TANK: variants seen among roughly 807,000 people sequenced by gnomAD.
The protein encoded by TANK is TRAF family member associated NFKB activator.
In TANK, 15 loss-of-function variants were observed where a neutral mutation model predicts 43.6. The observed-to-expected ratio is 0.34, with a 90% CI of 0.23 to 0.53. TANK has a LOEUF of 0.53. TANK is among the 20% of genes least tolerant of loss of function. The pLI, the probability that TANK is intolerant of heterozygous loss-of-function variation, is 0.94. For missense variants in TANK, 417 were observed against 498.6 expected, an observed-to-expected ratio of 0.84 and a Z score of 1.56; for synonymous variants, 162 against 178.2, an observed-to-expected ratio of 0.91 and a Z score of 0.73.
chr2:161,205,026 A>G, intron 4 of TANK: 3 of 1,206,764 alleles, frequency 2.5e-6, no homozygotes, highest in Non-Finnish European at 3.2e-6. Flanking sequence ...CAAAGAAAAC[A>G]TTTAACAAAG....
At chr2:161,178,275 A>C (rs1009382161) in intron 1 of TANK, among the ~76,000 whole-genome samples, 1 of 152,172 alleles carries the variant, frequency 6.6e-6, no homozygotes, top group Admixed American at 6.6e-5. Flanking sequence ...CCATTAACTG[A>C]GGAATAAACA....
intron 6 of TANK, among the ~76,000 whole-genome samples, chr2:161,229,407 T>C (rs1574072680): frequency 6.6e-6 from 1 of 152,126 alleles, no homozygotes; most frequent in East Asian, 1.9e-4. Flanking sequence ...TTAGAAAAAC[T>C]ACTCTGAGAA....
At chr2:161,217,168 CTTGA>C (rs1290401128) in intron 4 of TANK, among the ~76,000 whole-genome samples, 1 of 152,108 alleles carries the variant, frequency 6.6e-6, no homozygotes, top group African/African-American at 2.4e-5. Context: ...AGGCAGTGAA[CTTGA>C]TTAGCTCAGG....
intron 4 of TANK, among the ~76,000 whole-genome samples, chr2:161,217,525 A>C (rs1047922383): frequency 6.7e-6 from 1 of 149,922 alleles, no homozygotes; most frequent in East Asian, 2.0e-4. Flanking sequence ...CTTACTACAC[A>C]TTTTTTACTC....
intron 6 of TANK, among the ~76,000 whole-genome samples, chr2:161,226,423 A>G (rs1156234942): frequency 6.6e-6 from 1 of 152,290 alleles, no homozygotes; most frequent in East Asian, 1.9e-4. Flanking sequence ...AATAAATATT[A>G]TACTCTGACA....
intron 7 of TANK, among the ~76,000 whole-genome samples, chr2:161,233,390 C>T (rs765819428): frequency 7.2e-5 from 11 of 151,908 alleles, no homozygotes; most frequent in Admixed American, 3.9e-4. Flanking sequence ...GAGCAAGACC[C>T]TGTCTCAAAA....
At chr2:161,148,941 T>C (rs750858249) in intron 1 of TANK, among the ~76,000 whole-genome samples, 43 of 152,328 alleles carry the variant, frequency 2.8e-4, no homozygotes, top group Middle Eastern at 3.4e-3. Flanking sequence ...CTTCCAACTT[T>C]GTTTTTCCTT....
At chr2:161,161,418 A>G (rs568958390) in intron 1 of TANK, 1 of 1,550,846 alleles carries the variant, frequency 6.4e-7, no homozygotes, top group African/African-American at 1.4e-5. Context: ...GAGAGGTAGC[A>G]GAGAAGCAAG....
At chr2:161,146,570 C>A (rs1482828619) in intron 1 of TANK, among the ~76,000 whole-genome samples, 1 of 152,184 alleles carries the variant, frequency 6.6e-6, no homozygotes, top group African/African-American at 2.4e-5. Context: ...AAGGTCAGGT[C>A]TCTCTTCTGT....
intron 4 of TANK, among the ~76,000 whole-genome samples, chr2:161,217,212 C>T (rs1417951589): frequency 6.6e-6 from 1 of 152,182 alleles, no homozygotes; most frequent in East Asian, 1.9e-4. Context: ...AGAGGGGCAG[C>T]TCCAATCTCC....
intron 2 of TANK, among the ~76,000 whole-genome samples, chr2:161,193,379 C>T (rs1471125435): frequency 6.6e-6 from 1 of 152,072 alleles, no homozygotes; most frequent in African/African-American, 2.4e-5. Flanking sequence ...ATATAGGATA[C>T]GCTATTACAG....
chr2:161,213,186 A>T (rs761437423), intron 4 of TANK, among the ~76,000 whole-genome samples: 1 of 152,162 alleles, frequency 6.6e-6, no homozygotes, highest in Admixed American at 6.5e-5. Context: ...CCCTCCCATT[A>T]GGCCCCACCT....
At chr2:161,212,204 G>C (rs1263759548) in intron 4 of TANK, 1 of 299,366 alleles carries the variant, frequency 3.3e-6, no homozygotes, top group African/African-American at 2.3e-5. Flanking sequence ...GGGATTACAT[G>C]CACACACCAC....
chr2:161,197,888 T>C (rs1686226639), intron 2 of TANK, among the ~76,000 whole-genome samples: 2 of 152,122 alleles, frequency 1.3e-5, no homozygotes, highest in African/African-American at 4.8e-5. Context: ...TCATAGCATT[T>C]CACCCCTGGC....
intron 2 of TANK, among the ~76,000 whole-genome samples, chr2:161,201,595 C>T (rs2105340888): frequency 6.6e-6 from 1 of 152,234 alleles, no homozygotes; most frequent in African/African-American, 2.4e-5. Context: ...TTGTGAAGAA[C>T]TTTGAGTTCT....
intron 1 of TANK, among the ~76,000 whole-genome samples, chr2:161,164,354 T>C (rs1273749425): frequency 6.6e-6 from 1 of 152,214 alleles, no homozygotes; most frequent in Non-Finnish European, 1.5e-5. Context: ...TTTTAGTTTC[T>C]ATTTCCTGTA....
At chr2:161,170,441 G>A (rs148071516) in intron 1 of TANK, among the ~76,000 whole-genome samples, 2 of 152,134 alleles carry the variant, frequency 1.3e-5, no homozygotes, top group East Asian at 1.9e-4. Flanking sequence ...TTTTTGTTCC[G>A]AAATTCTATA....
At chr2:161,197,338 A>G (rs937282798) in intron 2 of TANK, 2 of 152,152 alleles carry the variant, frequency 1.3e-5, no homozygotes, top group Admixed American at 1.3e-4. Flanking sequence ...GCTTGACAGA[A>G]TGTTTTTGAT....
intron 4 of TANK, chr2:161,207,320 A>G: frequency 3.6e-6 from 3 of 829,518 alleles, no homozygotes; most frequent in Non-Finnish European, 4.4e-6. Flanking sequence ...GAATAAACCT[A>G]ACTTCAGCGA....
Sources: gnomAD v4.1 joint callset for allele counts (sites outside exome capture counted in the v4.1 genomes callset) on GRCh38, gnomAD v4.1.1 for gene constraint, MANE v1.5 for transcripts, NCBI Gene and HGNC (gene_info 2026-07-23, HGNC 2026-07-21) for gene names.